Variants in CENPT observed in about 807,000 individuals in gnomAD.
CENPT encodes interphase centromere complex protein 22.
CENPT carries 42 observed loss-of-function variants against 59.7 expected under a neutral mutation model. That is an observed-to-expected ratio of 0.70 (90% CI 0.55 to 0.91). CENPT has a LOEUF of 0.91. Ranked by LOEUF, CENPT falls within the 40% of genes least tolerant of loss-of-function variation. CENPT has a pLI of 0.00. For synonymous variants in CENPT, 295 were observed against 289.6 expected, an observed-to-expected ratio of 1.02 and a Z score of -0.19; for missense variants, 716 against 713.4, an observed-to-expected ratio of 1.00 and a Z score of -0.04.
At chr16:67,845,908 G>A (rs2057794709) in intron 1 of CENPT, among the ~76,000 whole-genome samples, 2 of 152,212 alleles carry the variant, frequency 1.3e-5, no homozygotes, top group Non-Finnish European at 2.9e-5. Flanking sequence ...CTGTGGGTGG[G>A]GGAAGGTGCA....
At chr16:67,835,938 C>T (rs575821853) in intron 1 of CENPT, among the ~76,000 whole-genome samples, 2 of 151,494 alleles carry the variant, frequency 1.3e-5, no homozygotes, top group East Asian at 2.0e-4. Flanking sequence ...TGTATAGAGA[C>T]GGGGTTTCAC....
In CENPT at chr16:67,829,894, G is replaced by C. The variant is rs374259914; in HGVS notation, c.1057C>G (p.Gln353Glu). 6.2e-6 allele frequency: 10 copies of C among 1,614,070 alleles called. No individual in the cohort carries two copies. The African/African-American group carries it at 1.2e-4, about 19-fold the overall frequency. The stretch of plus-strand genomic sequence containing the variant: ...GCCTCTTCTACCCTGCTGGGTCCTT[G>C]TGCTCCTGTTGCCTCCATTTCACTC... The part of the protein sequence containing the change: ...SVSEMEATGA[Q>E]GPSRVEEAEG... The change falls in exon 12 of 16, where the codon CAA becomes GAA. Residue 353 changes from glutamine (Q) to glutamate (E), a missense_variant. Physicochemically the swap from Gln to Glu is conservative, Grantham distance 29. Coordinates refer to ENST00000562787, the MANE Select transcript of CENPT (RefSeq NM_025082.4).
At chr16:67,829,202 A>G in intron 13 of CENPT, 1 of 524,084 alleles carries the variant, frequency 1.9e-6, no homozygotes, top group South Asian at 3.0e-5. Flanking sequence ...TCTGACTACA[A>G]ACCAACCACA....
intron 13 of CENPT, 80 bp from the exon 14 acceptor site, chr16:67,828,923 C>T: frequency 6.8e-7 from 1 of 1,468,506 alleles, no homozygotes; most frequent in Non-Finnish European, 9.1e-7. Flanking sequence ...CTGGCTTCTG[C>T]TGAGGCTGGG....
In CENPT at chr16:67,828,197, G is replaced by A. The variant is rs113986708; in HGVS notation, c.*70C>T. The A allele has an allele frequency of 5.9e-4, 890 of 1,516,154 alleles. 7 individuals carry two copies. In the African/African-American group the frequency reaches 0.011, roughly 18 times the overall value. 93.9% of individuals were successfully genotyped at this position (1,516,154 alleles called of 1,614,324 possible). ...TTTATTGATGCTGGGGGGGTGGGGA[G>A]GAGACCTGGAGAAATATGTGGGGGC... On this transcript the variant is annotated 3_prime_UTR_variant, in exon 16 of 16. Coordinates refer to ENST00000562787, the MANE Select transcript of CENPT (RefSeq NM_025082.4).
intron 1 of CENPT, chr16:67,841,731 T>C (rs921944882): frequency 3.3e-5 from 5 of 152,338 alleles, no homozygotes; most frequent in African/African-American, 1.2e-4. Context: ...ACTGGAGACT[T>C]TGTTTAGATC....
At position 67,832,515 on chromosome 16, in the gene CENPT, G is replaced by A. The variant is rs762197315; in HGVS notation, c.141C>T (p.Ser47=). Residue 47 remains serine, a synonymous_variant, in exon 5 of 16, where the codon TCC becomes TCT. Transcript: ENST00000562787. ...TTGTTTGGCCACTCAACTTCCTGGG[G>A]GAAGCCGTTTCAAGCAGGGCTCTCC... The part of the protein sequence containing the change: ...GARRALLETA[S]PRKLSGQTRT... 5.6e-6 allele frequency: 9 copies of A among 1,614,164 alleles called. No individual in the cohort carries two copies. In the South Asian group the frequency reaches 8.8e-5, roughly 16 times the overall value.
At chr16:67,833,195 C>T (rs2057710151) in intron 4 of CENPT, among the ~76,000 whole-genome samples, 1 of 152,200 alleles carries the variant, frequency 6.6e-6, no homozygotes, top group Admixed American at 6.5e-5. Flanking sequence ...TGCTCCTTAG[C>T]AAAGCATCTT....
At chr16:67,834,610 C>A (rs1365085605) in intron 3 of CENPT, among the ~76,000 whole-genome samples, 1 of 151,984 alleles carries the variant, frequency 6.6e-6, no homozygotes, top group Non-Finnish European at 1.5e-5. Context: ...GACCCTGTAT[C>A]AAAAAATAAT....
chr16:67,830,410 C>T lies in CENPT; in HGVS notation c.842G>A (p.Gly281Glu). 6.2e-7 allele frequency: 1 copy of T among 1,612,612 alleles called. No homozygotes were observed. The highest frequency in any genetic ancestry group is 1.7e-4 in the Middle Eastern group (1 of 6,048). ...CTCACTATTCTTCTGCAGCCCAGGC[C>T]CACTGCTCTGTGTCTTGCGACCGGC... ...QAAGRKTQSS[G>E]PGLQKNSPGK... Residue 281 changes from glycine to glutamate, a missense_variant, in exon 11 of 16, where the codon GGG becomes GAG. Coordinates refer to ENST00000562787, the MANE Select transcript of CENPT (RefSeq NM_025082.4).
At position 67,843,042 on chromosome 16, in the gene CENPT, C is replaced by T. The variant is rs1409974715; in HGVS notation, c.-492+4359G>A. 1.9e-6 allele frequency: 3 copies of T among 1,612,478 alleles called. No individual in the cohort carries two copies. Among genetic ancestry groups the T allele is most frequent in the East Asian group, 2.2e-5 (1 of 44,894 alleles). On this transcript the variant is annotated intron_variant, in intron 1 of 15. Coordinates refer to ENST00000562787, the MANE Select transcript of CENPT (RefSeq NM_025082.4). This position sits in a 1 kb window ranked among gnomAD's most constrained non-coding sequence, Gnocchi z 5.7. Reference sequence around the variant, plus strand: ...GCCGTGCTTCTCACCCTTCAGGCCACTGTAGACAGCAGTCAGGCTCCGGGA... The same window carrying T: ...GCCGTGCTTCTCACCCTTCAGGCCATTGTAGACAGCAGTCAGGCTCCGGGA...
intron 1 of CENPT, among the ~76,000 whole-genome samples, chr16:67,837,600 C>T (rs952837608): frequency 4.6e-5 from 7 of 152,082 alleles, no homozygotes; most frequent in East Asian, 1.9e-4. Context: ...CCCAGCTACT[C>T]GGGAGGCTGA....
Position 67,831,287 on chromosome 16 carries a change from G to GGTCTGCGGGCCAAGCCAGGCCTCTGC in CENPT, c.606_631dup (p.Pro211ArgfsTer16). 1 of 1,614,206 alleles carries GGTCTGCGGGCCAAGCCAGGCCTCTGC rather than the reference G, an allele frequency of 6.2e-7. No homozygotes were observed. The highest frequency in any genetic ancestry group is 8.5e-7 in the Non-Finnish European group (1 of 1,180,028). ...CACGTCTACAGCTCGGCGGGCTGGA[G>GGTCTGCGGGCCAAGCCAGGCCTCTGC]GTCTGCGGGCCAAGCCAGGCCTCTG... On this transcript the variant is annotated frameshift_variant, in exon 10 of 16. Coordinates refer to ENST00000562787, the MANE Select transcript of CENPT (RefSeq NM_025082.4). LOFTEE classifies it high-confidence loss of function.
chr16:67,829,764 C>A lies in CENPT; in HGVS notation c.1186+1G>T, dbSNP rs1364608764. On this transcript the variant is annotated splice_donor_variant, in intron 12 of 15. Coordinates refer to ENST00000562787, the MANE Select transcript of CENPT (RefSeq NM_025082.4). LOFTEE classifies it high-confidence loss of function. Reference sequence around the variant, plus strand: ...GTCACTCCCTGCACTGGGCCTCTTACCTGCCCTGCCAGAGGCATCCTCATC... The same window carrying A: ...GTCACTCCCTGCACTGGGCCTCTTAACTGCCCTGCCAGAGGCATCCTCATC... 1 of 1,613,670 alleles carries A rather than the reference C, an allele frequency of 6.2e-7. No homozygotes were observed. The highest frequency in any genetic ancestry group is 8.5e-7 in the Non-Finnish European group (1 of 1,179,668).
chr16:67,830,692 C>A (rs1252914226), intron 10 of CENPT, 144 bp from the exon 11 acceptor site: 4 of 773,678 alleles, frequency 5.2e-6, no homozygotes, highest in South Asian at 1.7e-5. Flanking sequence ...CCCTGAGTGG[C>A]CTTCAGAGAA....
At position 67,843,144 on chromosome 16, in the gene CENPT, C is replaced by T. The variant is rs1262846076; in HGVS notation, c.-492+4257G>A. Reference sequence around the variant, plus strand: ...GATCTCACAGTGCAAGTGGAGTTTGCAGCCGCAGAGGGCGCAGCCGCTGCG... The same window carrying T: ...GATCTCACAGTGCAAGTGGAGTTTGTAGCCGCAGAGGGCGCAGCCGCTGCG... On this transcript the variant is annotated intron_variant, in intron 1 of 15. Coordinates refer to ENST00000562787, the MANE Select transcript of CENPT (RefSeq NM_025082.4). The surrounding 1 kb of genome is among the most constrained non-coding windows in gnomAD (Gnocchi z 5.7). 4 of 1,609,454 alleles carry T rather than the reference C, an allele frequency of 2.5e-6. No homozygotes were observed. Among genetic ancestry groups the T allele is most frequent in the Non-Finnish European group, 2.5e-6 (3 of 1,179,414 alleles).
In CENPT at chr16:67,829,465, T is replaced by C; in HGVS notation, c.1238A>G (p.His413Arg). The change falls in exon 13 of 16, where the codon CAT becomes CGT. Residue 413 changes from histidine to arginine, a missense_variant. Coordinates refer to ENST00000562787, the MANE Select transcript of CENPT (RefSeq NM_025082.4). ...STPESLQARRHHQFLEPAPAP... is the reference protein window; with the variant it reads ...STPESLQARRRHQFLEPAPAP... ...TGGGGCTGGCTCAAGAAACTGATGA[T>C]GTCGCCTGGCCTGGAGAGACTCAGG... The C allele has an allele frequency of 6.3e-7, 1 of 1,583,486 alleles. No homozygotes were observed. Among genetic ancestry groups the C allele is most frequent in the Non-Finnish European group, 8.5e-7 (1 of 1,172,072 alleles).
intron 10 of CENPT, 90 bp downstream of exon 10, chr16:67,831,126 A>G (rs1445118264): frequency 6.4e-7 from 1 of 1,568,192 alleles, no homozygotes; most frequent in Admixed American, 1.7e-5. Flanking sequence ...CCCCACCGAG[A>G]GGGGTGCAAC....
At chr16:67,831,681 C>T in intron 8 of CENPT, 69 bp from the exon 9 acceptor site, 1 of 1,607,064 alleles carries the variant, frequency 6.2e-7, no homozygotes, top group African/African-American at 1.3e-5. Flanking sequence ...TGTGAGGGCC[C>T]TCTCTCAGGA....
Sources: gnomAD v4.1 joint callset for allele counts (sites outside exome capture counted in the v4.1 genomes callset) on GRCh38, gnomAD v4.1.1 for gene constraint, Gnocchi (gnomAD v3.1) non-coding constraint, MANE v1.5 for transcripts, NCBI Gene and HGNC (gene_info 2026-07-23, HGNC 2026-07-21) for gene names.